The following FAM184A variants were observed in gnomAD, a reference collection of about 807,000 sequenced individuals.
The protein encoded by FAM184A is family with sequence similarity 184 member A, also known as protein FAM184A.
Under a neutral mutation model 143.8 loss-of-function variants are expected in FAM184A, and 99 were observed. The ratio of observed to expected loss-of-function variants is 0.69; its 90% CI spans 0.58 to 0.81. The LOEUF (loss-of-function observed/expected upper bound fraction) is 0.81. Ranked by LOEUF, FAM184A falls within the 40% of genes least tolerant of loss-of-function variation. The pLI, the probability that FAM184A is intolerant of heterozygous loss-of-function variation, is 0.00. For synonymous variants in FAM184A, 427 were observed against 446.4 expected (o/e 0.96, Z 0.55); for missense variants, 1,217 against 1,310.5 (o/e 0.93, Z 1.10).
chr6:119,108,568 C>G (rs1788850579), intron 1 of FAM184A, among the ~76,000 whole-genome samples: 1 of 152,140 alleles, frequency 6.6e-6, no homozygotes. Context: ...AAAAGACTGT[C>G]TACCTTTTCA....
At position 119,020,140 on chromosome 6, in the gene FAM184A, T is replaced by A; in HGVS notation, c.1170A>T (p.Gln390His). The A allele has an allele frequency of 6.3e-7, 1 of 1,588,784 alleles. No homozygotes were observed. The highest frequency in any genetic ancestry group is 8.5e-7 in the Non-Finnish European group (1 of 1,171,822). ...TAACTTCCTGGGTCATTTGAGTTGC[T>A]TGAAGCATTCCAATATGACCTATCC... ...VLKASHIGML[Q>H]ATQMTQEVTI... The change falls in exon 4 of 18, where the codon CAA (glutamine) becomes CAT (histidine). Residue 390 changes from glutamine to histidine, a missense_variant. Transcript: ENST00000338891.
intron 6 of FAM184A, among the ~76,000 whole-genome samples, chr6:119,009,995 C>T (rs1027131382): frequency 4.6e-5 from 7 of 152,126 alleles, no homozygotes; most frequent in African/African-American, 1.7e-4. Context: ...CTTTCTTGAC[C>T]TTGTATTGTA....
At chr6:118,975,538 T>C (rs555405756) in intron 12 of FAM184A, among the ~76,000 whole-genome samples, 1 of 152,336 alleles carries the variant, frequency 6.6e-6, no homozygotes, top group Non-Finnish European at 1.5e-5. Context: ...TGCTCTTACA[T>C]CCTCAGTAAG....
chr6:119,090,026 TAAC>T (rs767119989), intron 1 of FAM184A, among the ~76,000 whole-genome samples: 1 of 152,240 alleles, frequency 6.6e-6, no homozygotes, highest in Non-Finnish European at 1.5e-5. Context: ...GCTTTTTCTC[TAAC>T]AACACAGCCA....
intron 1 of FAM184A, among the ~76,000 whole-genome samples, chr6:119,042,444 T>A (rs1436218879): frequency 6.7e-6 from 1 of 148,806 alleles, no homozygotes; most frequent in Non-Finnish European, 1.5e-5. Flanking sequence ...AAACTTCCAT[T>A]CTTAGTCTGG....
chr6:119,024,042 T>A lies in FAM184A; in HGVS notation c.931A>T (p.Met311Leu). The change falls in exon 2 of 18, where the codon ATG becomes TTG. Residue 311 changes from methionine (M) to leucine (L), a missense_variant. Physicochemically the swap from Met to Leu is conservative, Grantham distance 15 (BLOSUM62 2). Coordinates refer to ENST00000338891, the MANE Select transcript of FAM184A (RefSeq NM_024581.6). ...AGACTTCCAGCTTCATCCTGTACCATCTGTAACTCTGTCTTTAATTTTCCT... is the reference window on the plus strand; with the variant it reads ...AGACTTCCAGCTTCATCCTGTACCAACTGTAACTCTGTCTTTAATTTTCCT... ...TIGKLKTELQ[M>L]VQDEAGSLLD... 1 of 1,614,114 alleles carries A rather than the reference T, an allele frequency of 6.2e-7. No homozygotes were observed.
rs372589755 is a variant in FAM184A at position 119,056,331 on chromosome 6, A to T, written c.159+21810T>A. ...TATGGGGGATGTCTGATGAAGAAGA[A>T]GATTAATTAGATTTTGGACACGTAG... On this transcript the variant is annotated intron_variant, in intron 1 of 17. Transcript: ENST00000338891. Among the ~76,000 whole-genome samples the T allele has an allele frequency of 2.0e-3, 302 of 152,286 alleles. 1 individual carries two copies. The highest frequency in any genetic ancestry group is 3.2e-3 in the Non-Finnish European group (216 of 68,016).
rs1783273752 is a variant in FAM184A at position 118,960,173 on chromosome 6, C to G, written c.3353G>C (p.Ser1118Thr). The G allele has an allele frequency of 6.2e-7, 1 of 1,613,328 alleles. No homozygotes were observed. Among genetic ancestry groups the G allele is most frequent in the Admixed American group, 1.7e-5 (1 of 59,928 alleles). ...GPKTFLSPAQ[S>T]EASPVASPDP... ...TGGAGAAGCCACTGGAGAAGCTTCA[C>G]TCTGAGCAGGACTGAATTCATAAAA... The change falls in exon 18 of 18, where the codon AGT becomes ACT. Residue 1118 changes from serine to threonine, a missense_variant. Physicochemically the swap from Ser to Thr is moderately conservative, Grantham distance 58. Coordinates refer to ENST00000338891, the MANE Select transcript of FAM184A (RefSeq NM_024581.6).
chr6:119,080,283 T>C (rs1788022605), upstream of FAM184A, among the ~76,000 whole-genome samples: 1 of 152,342 alleles, frequency 6.6e-6, no homozygotes, highest in Non-Finnish European at 1.5e-5. Flanking sequence ...ACTCCTCAAG[T>C]GCTTCCACTG....
Position 119,024,578 on chromosome 6 carries a change from T to A in FAM184A, c.395A>T (p.Tyr132Phe). Reference sequence around the variant, plus strand: ...TTGCATGTCCTCAACTCTGTGCTTATAAGCTTCAAATTCTGTCAAAGCCTG... The same window carrying A: ...TTGCATGTCCTCAACTCTGTGCTTAAAAGCTTCAAATTCTGTCAAAGCCTG... ...KQQALTEFEA[Y>F]KHRVEDMQLC... Residue 132 changes from tyrosine to phenylalanine, a missense_variant, in exon 2 of 18, where the codon TAT (tyrosine) becomes TTT (phenylalanine). Transcript: ENST00000338891. 6.2e-7 allele frequency: 1 copy of A among 1,614,222 alleles called. No individual in the cohort carries two copies. Among genetic ancestry groups the A allele is most frequent in the Non-Finnish European group, 8.5e-7 (1 of 1,180,038 alleles).
chr6:119,011,446 T>A lies in FAM184A; in HGVS notation c.1531-15A>T. ...TCTTCCAAATCCTTAGAAAAAGAAA[T>A]TTTTTAAAAATTAACAAAATTGCAA... On this transcript the variant is annotated splice_polypyrimidine_tract_variant and intron_variant, in intron 5 of 17. Transcript: ENST00000338891. 1 of 1,452,480 alleles carries A rather than the reference T, an allele frequency of 6.9e-7. No individual in the cohort carries two copies. The highest frequency in any genetic ancestry group is 9.4e-7 in the Non-Finnish European group (1 of 1,066,678). The allele number at this position is 1,452,480 out of a possible 1,614,324, so 90.0% of individuals were successfully genotyped here. A position where few individuals can be genotyped will look rare whatever the true frequency, so the allele number is the denominator to read the frequency against.
At position 119,078,183 on chromosome 6, in the gene FAM184A, CTCCTGGCTGTAG is replaced by C. The variant is rs1322331169; in HGVS notation, c.105_116del (p.Asp35_Gln38del). 6.3e-7 allele frequency: 1 copy of C among 1,591,108 alleles called. No individual in the cohort carries two copies. The highest frequency in any genetic ancestry group is 8.5e-7 in the Non-Finnish European group (1 of 1,170,808). On this transcript the variant is annotated inframe_deletion, in exon 1 of 18. Transcript: ENST00000338891. This position sits in a 1 kb window ranked among gnomAD's most constrained non-coding sequence, Gnocchi z 5.5. ...TTTTCTTGCTCATTTTCAGGTGCAT[CTCCTGGCTGTAG>C]TCCATGCTGTGCCCAGCCAGCTGTG...
intron 7 of FAM184A, among the ~76,000 whole-genome samples, chr6:119,004,664 T>C (rs1340996517): frequency 6.6e-6 from 1 of 152,166 alleles, no homozygotes. Context: ...AAACACTTGG[T>C]CTTAAGGAGC....
At chr6:119,010,677 G>A (rs779107698) in intron 6 of FAM184A, among the ~76,000 whole-genome samples, 1 of 152,002 alleles carries the variant, frequency 6.6e-6, no homozygotes, top group Non-Finnish European at 1.5e-5. Context: ...AGAAGTTTTA[G>A]CTTTAACTGT....
At chr6:119,015,071 AAAAAGAAAAAG>A (rs1213274651) in intron 5 of FAM184A, among the ~76,000 whole-genome samples, 4 of 151,938 alleles carry the variant, frequency 2.6e-5, no homozygotes, top group Non-Finnish European at 4.4e-5. Flanking sequence ...CTCAAAAAAA[AAAAAGAAAAAG>A]AAAAGAAAAG....
intron 9 of FAM184A, among the ~76,000 whole-genome samples, chr6:118,994,032 A>G (rs1433361798): frequency 6.6e-6 from 1 of 152,164 alleles, no homozygotes; most frequent in African/African-American, 2.4e-5. Flanking sequence ...GGGGCTGTGC[A>G]CACACTGCCC....
chr6:119,085,493 A>G (rs1476631137), intron 1 of FAM184A, among the ~76,000 whole-genome samples: 1 of 142,368 alleles, frequency 7.0e-6, no homozygotes, highest in African/African-American at 2.5e-5. Flanking sequence ...TATCACTAAC[A>G]ACATTTTGGT....
chr6:119,003,618 TC>T lies in FAM184A; in HGVS notation c.1819del (p.Glu607SerfsTer2). On this transcript the variant is annotated frameshift_variant, in exon 8 of 18. Coordinates refer to ENST00000338891, the MANE Select transcript of FAM184A (RefSeq NM_024581.6). LOFTEE classifies it high-confidence loss of function. The part of the protein sequence containing the change: ...TKDALLNVEG[E>X]LEQERQQHEE... ...ATGCTGTTGCCTTTCTTGTTCTAGC[TC>T]ACCCTGAAGAATAAAAACTTTTCAA... The T allele has an allele frequency of 6.2e-7, 1 of 1,608,612 alleles. No homozygotes were observed. Among genetic ancestry groups the T allele is most frequent in the Non-Finnish European group, 8.5e-7 (1 of 1,177,820 alleles).
intron 9 of FAM184A, among the ~76,000 whole-genome samples, chr6:118,990,763 T>G (rs2114609992): frequency 6.6e-6 from 1 of 150,824 alleles, no homozygotes; most frequent in South Asian, 2.1e-4. Context: ...CACACACCTG[T>G]AATTCCAGCT....
Sources: allele counts gnomAD v4.1 joint callset (sites outside exome capture counted in the v4.1 genomes callset), GRCh38; gene constraint gnomAD v4.1.1; non-coding constraint Gnocchi (gnomAD v3.1); transcripts MANE v1.5; gene names NCBI Gene and HGNC (gene_info 2026-07-23, HGNC 2026-07-21).